The following GPC5 variants were observed in gnomAD, a reference collection of about 807,000 sequenced individuals.
The protein encoded by GPC5 is glypican-5.
A neutral mutation model predicts 53.9 loss-of-function variants in GPC5; 47 were observed. That is an observed-to-expected ratio of 0.87 (90% CI 0.69 to 1.11). The LOEUF is 1.11. GPC5 is among the 50% of genes most tolerant of loss of function. The probability of loss-of-function intolerance (pLI) is 0.00; values close to 1 mark genes in which losing one functional copy is unlikely to be tolerated. For missense variants in GPC5, 748 were observed against 713.1 expected, an observed-to-expected ratio of 1.05 and a Z score of -0.56; for synonymous variants, 286 against 263.3, an observed-to-expected ratio of 1.09 and a Z score of -0.84.
intron 7 of GPC5, among the ~76,000 whole-genome samples, chr13:92,691,617 T>C (rs1236341057): frequency 1.3e-5 from 2 of 152,202 alleles, no homozygotes; most frequent in Non-Finnish European, 2.9e-5. Context: ...TAGAATCAAA[T>C]ATTTTATTAA....
intron 7 of GPC5, among the ~76,000 whole-genome samples, chr13:92,481,673 C>T (rs1385253493): frequency 3.9e-5 from 6 of 152,122 alleles, no homozygotes; most frequent in Admixed American, 3.9e-4. Context: ...AATCACAGTT[C>T]ATCTCTTGGA....
intron 7 of GPC5, among the ~76,000 whole-genome samples, chr13:92,832,457 A>C (rs963924640): frequency 6.6e-6 from 1 of 152,152 alleles, no homozygotes; most frequent in Non-Finnish European, 1.5e-5. Flanking sequence ...TTTTCTTTGT[A>C]TTTCTAATAT....
chr13:92,114,555 GA>G (rs2041585081), intron 6 of GPC5, among the ~76,000 whole-genome samples: 1 of 152,188 alleles, frequency 6.6e-6, no homozygotes, highest in African/African-American at 2.4e-5. Context: ...GATTAAAGGG[GA>G]AAACCCTACA....
chr13:91,505,123 T>C (rs1353652230), intron 2 of GPC5, among the ~76,000 whole-genome samples: 2 of 151,964 alleles, frequency 1.3e-5, no homozygotes, highest in Non-Finnish European at 2.9e-5. Context: ...AAGGCGCGTA[T>C]TTTTTTTCTT....
chr13:91,804,127 A>C (rs1054369736), intron 5 of GPC5, among the ~76,000 whole-genome samples: 1 of 152,216 alleles, frequency 6.6e-6, no homozygotes, highest in African/African-American at 2.4e-5. Context: ...TCTGAAATCA[A>C]CTTGACCCTA....
At chr13:92,337,279 T>C (rs2043331452) in intron 7 of GPC5, among the ~76,000 whole-genome samples, 1 of 150,188 alleles carries the variant, frequency 6.7e-6, no homozygotes, top group Non-Finnish European at 1.5e-5. Flanking sequence ...AAAACTATGA[T>C]AAAAGAAATC....
chr13:92,448,026 C>A (rs533429363), intron 7 of GPC5: 9 of 152,148 alleles, frequency 5.9e-5, no homozygotes, highest in African/African-American at 2.2e-4. Context: ...AATGCAGCAG[C>A]TATCGAACAG....
intron 6 of GPC5, among the ~76,000 whole-genome samples, chr13:92,031,866 TTATA>T (rs1323919859): frequency 1.6e-4 from 6 of 37,016 alleles, no homozygotes; most frequent in Admixed American, 8.6e-4. Context: ...AATATATATA[TTATA>T]TATAACATAT....
intron 2 of GPC5, among the ~76,000 whole-genome samples, chr13:91,628,265 T>C (rs1362825809): frequency 6.6e-6 from 1 of 152,148 alleles, no homozygotes; most frequent in Non-Finnish European, 1.5e-5. Context: ...TAGCTTTTTT[T>C]TTCCATTAAG....
At chr13:91,467,961 C>G (rs559692275) in intron 2 of GPC5, among the ~76,000 whole-genome samples, 1 of 152,060 alleles carries the variant, frequency 6.6e-6, no homozygotes, top group Non-Finnish European at 1.5e-5. Context: ...TTATGTTGAC[C>G]CCAGAATATC....
intron 5 of GPC5, among the ~76,000 whole-genome samples, chr13:91,803,263 A>C (rs2038164672): frequency 6.6e-6 from 1 of 152,174 alleles, no homozygotes. Flanking sequence ...AATAGTTTAA[A>C]AAGTGATTTT....
At chr13:91,534,490 T>A (rs1594218277) in intron 2 of GPC5, among the ~76,000 whole-genome samples, 1 of 152,226 alleles carries the variant, frequency 6.6e-6, no homozygotes, top group Non-Finnish European at 1.5e-5. Flanking sequence ...AGATATTGGC[T>A]GTTGTTAGGG....
At chr13:91,559,304 T>G (rs894102031) in intron 2 of GPC5, among the ~76,000 whole-genome samples, 5 of 152,060 alleles carry the variant, frequency 3.3e-5, no homozygotes, top group Admixed American at 1.3e-4. Context: ...GGCTACAAGA[T>G]GTATGATTTG....
intron 2 of GPC5, among the ~76,000 whole-genome samples, chr13:91,514,442 C>T (rs895550294): frequency 6.6e-6 from 1 of 152,122 alleles, no homozygotes; most frequent in Non-Finnish European, 1.5e-5. Flanking sequence ...TGTATATGCT[C>T]ATCAGTGAAA....
intron 2 of GPC5, among the ~76,000 whole-genome samples, chr13:91,513,202 T>C (rs780375773): frequency 6.6e-6 from 1 of 152,242 alleles, no homozygotes; most frequent in Non-Finnish European, 1.5e-5. Flanking sequence ...CAGGCCGTTG[T>C]AAGTAGTAAT....
intron 3 of GPC5, among the ~76,000 whole-genome samples, chr13:91,720,161 C>T (rs2036433289): frequency 6.6e-6 from 1 of 152,158 alleles, no homozygotes; most frequent in Non-Finnish European, 1.5e-5. Flanking sequence ...CTTCTCTAGG[C>T]TTTGTCCCAT....
At chr13:92,030,649 C>T (rs892453255) in intron 6 of GPC5, among the ~76,000 whole-genome samples, 2 of 152,170 alleles carry the variant, frequency 1.3e-5, no homozygotes, top group Admixed American at 6.6e-5. Flanking sequence ...GACTCTGCCA[C>T]TGTATCTAGT....
chr13:91,957,471 C>T (rs760641651), intron 6 of GPC5, among the ~76,000 whole-genome samples: 10 of 152,144 alleles, frequency 6.6e-5, no homozygotes, highest in South Asian at 2.1e-4. Context: ...ACAGGAAGCT[C>T]GGAGATCCCC....
rs151258643 is a variant in GPC5 at position 91,402,865 on chromosome 13, T to C, written c.163+3656T>C. Among the ~76,000 whole-genome samples, 658 of 152,350 alleles carry C rather than the reference T, an allele frequency of 4.3e-3. 11 individuals are homozygous for C. The highest frequency in any genetic ancestry group is 0.015 in the African/African-American group (641 of 41,576). On this transcript the variant is annotated intron_variant, in intron 1 of 7. Transcript: ENST00000377067. The stretch of plus-strand genomic sequence containing the variant: ...AAATGTATTTTTATCTAAAGTGATA[T>C]CCGTTACATTATGGTGAATATTTTG...
Sources: gnomAD v4.1 joint callset for allele counts (sites outside exome capture counted in the v4.1 genomes callset) on GRCh38, gnomAD v4.1.1 for gene constraint, MANE v1.5 for transcripts, NCBI Gene and HGNC (gene_info 2026-07-23, HGNC 2026-07-21) for gene names.